The following FOCAD variants were observed in gnomAD, a reference collection of about 807,000 sequenced individuals.
FOCAD encodes the protein focadhesin.
A neutral mutation model predicts 225.6 loss-of-function variants in FOCAD; 198 were observed. That is an observed-to-expected ratio of 0.88 (90% CI 0.78 to 0.99). The LOEUF (loss-of-function observed/expected upper bound fraction) is 0.99. Among genes scored for constraint, FOCAD ranks in the 50% least tolerant of loss-of-function variants. FOCAD has a pLI of 0.00. For synonymous variants in FOCAD, 897 were observed against 755.0 expected (o/e 1.19, Z -3.08); for missense variants, 2,713 against 2,123.6 (o/e 1.28, Z -5.46).
At chr9:20,712,820 C>A (rs1824973396) in intron 1 of FOCAD, among the ~76,000 whole-genome samples, 1 of 150,392 alleles carries the variant, frequency 6.6e-6, no homozygotes, top group Non-Finnish European at 1.5e-5. Context: ...GCAACCTCCA[C>A]CTCCCGGGTT....
chr9:20,794,526 T>G (rs986573048), intron 11 of FOCAD, among the ~76,000 whole-genome samples: 1 of 152,012 alleles, frequency 6.6e-6, no homozygotes, highest in Non-Finnish European at 1.5e-5. Context: ...GATGGAAACT[T>G]AAAACACACC....
At position 20,929,463 on chromosome 9, in the gene FOCAD, G is replaced by T. The variant is rs752426512; in HGVS notation, c.3184G>T (p.Val1062Phe). The T allele has an allele frequency of 3.7e-6, 6 of 1,614,112 alleles. No individual in the cohort carries two copies. In the Admixed American group the frequency reaches 5.0e-5, roughly 13 times the overall value. The stretch of plus-strand genomic sequence containing the variant: ...TTTCATTATCTCTTGCAAAGAGAAG[G>T]TTGAGGAAATCCTGAACATGCTGAC... ...PVFIISCKEK[V>F]EEILNMLTAR... Residue 1062 changes from valine to phenylalanine, a missense_variant, in exon 27 of 44, where the codon GTT becomes TTT. By Grantham distance (50) the Val-to-Phe change is conservative. Coordinates refer to ENST00000338382, the MANE Select transcript of FOCAD (RefSeq NM_001375567.1).
intron 33 of FOCAD, among the ~76,000 whole-genome samples, chr9:20,950,337 C>A (rs1473165474): frequency 6.6e-6 from 1 of 152,068 alleles, no homozygotes; most frequent in Non-Finnish European, 1.5e-5. Flanking sequence ...TTTCATTTAG[C>A]ATACTTGTTT....
At chr9:20,916,615 G>A (rs893219034) in intron 23 of FOCAD, among the ~76,000 whole-genome samples, 12 of 152,196 alleles carry the variant, frequency 7.9e-5, no homozygotes, top group African/African-American at 2.9e-4. Flanking sequence ...TCACCACGCT[G>A]TCTGAGATAA....
intron 31 of FOCAD, among the ~76,000 whole-genome samples, 157 bp downstream of exon 31, chr9:20,948,550 A>G (rs1302752318): frequency 6.6e-6 from 1 of 152,218 alleles, no homozygotes; most frequent in Non-Finnish European, 1.5e-5. Context: ...ATCCCTTATA[A>G]ATAATGCATT....
At chr9:20,859,099 G>A (rs1471685258) in intron 15 of FOCAD, among the ~76,000 whole-genome samples, 2 of 152,124 alleles carry the variant, frequency 1.3e-5, no homozygotes, top group African/African-American at 2.4e-5. Flanking sequence ...TGTTGGCTGG[G>A]CATGGTGGCT....
At chr9:20,800,184 C>G (rs893273655) in intron 11 of FOCAD, among the ~76,000 whole-genome samples, 1 of 152,122 alleles carries the variant, frequency 6.6e-6, no homozygotes, top group African/African-American at 2.4e-5. Flanking sequence ...CTCCCACTCT[C>G]TTCTGGCTTG....
chr9:20,751,969 T>G (rs969185265), intron 5 of FOCAD, among the ~76,000 whole-genome samples: 1 of 145,248 alleles, frequency 6.9e-6, no homozygotes, highest in South Asian at 2.4e-4. Flanking sequence ...TTGAGAAGTG[T>G]CTGTTCATGT....
chr9:20,732,153 G>C (rs1826768237), intron 4 of FOCAD, among the ~76,000 whole-genome samples: 1 of 152,124 alleles, frequency 6.6e-6, no homozygotes, highest in Non-Finnish European at 1.5e-5. Flanking sequence ...GTGATACCGT[G>C]GTGAGGAATG....
intron 21 of FOCAD, among the ~76,000 whole-genome samples, chr9:20,897,664 T>G (rs775793260): frequency 1.3e-5 from 2 of 151,838 alleles, no homozygotes; most frequent in Non-Finnish European, 2.9e-5. Flanking sequence ...AATCCTAATT[T>G]TTTTCTCTCA....
At chr9:20,766,984 C>T (rs1294408620) in intron 7 of FOCAD, among the ~76,000 whole-genome samples, 1 of 152,116 alleles carries the variant, frequency 6.6e-6, no homozygotes, top group African/African-American at 2.4e-5. Context: ...TCTCCCCCAC[C>T]CCACCACAGT....
chr9:20,881,924 C>A lies in FOCAD; in HGVS notation c.2371C>A (p.Arg791Ser), dbSNP rs748492866. 6.2e-7 allele frequency: 1 copy of A among 1,613,618 alleles called. No homozygotes were observed. Among genetic ancestry groups the A allele is most frequent in the Non-Finnish European group, 8.5e-7 (1 of 1,179,834 alleles). ...GAAGCAAGAAATGGTGAATATGCCTCGTGGGATATATCACTCTGCATTAAA... is the reference window on the plus strand; with the variant it reads ...GAAGCAAGAAATGGTGAATATGCCTAGTGGGATATATCACTCTGCATTAAA... ...LVKQEMVNMP[R>S]GIYHSALKGG... Residue 791 changes from arginine (R) to serine (S), a missense_variant, in exon 20 of 44, where the codon CGT (arginine) becomes AGT (serine). Arg to Ser is a moderately radical substitution (Grantham distance 110). Coordinates refer to ENST00000338382, the MANE Select transcript of FOCAD (RefSeq NM_001375567.1).
At chr9:20,923,155 G>A (rs1465286861) in intron 24 of FOCAD, among the ~76,000 whole-genome samples, 1 of 152,180 alleles carries the variant, frequency 6.6e-6, no homozygotes, top group Non-Finnish European at 1.5e-5. Flanking sequence ...ATAAAAATGA[G>A]TAAGAAAAGC....
intron 7 of FOCAD, among the ~76,000 whole-genome samples, chr9:20,769,677 TG>T (rs1817989736): frequency 6.6e-6 from 1 of 152,230 alleles, no homozygotes; most frequent in Admixed American, 6.5e-5. Context: ...ATTGTAGAAA[TG>T]AGAGTTCATT....
chr9:20,905,350 A>G (rs34030675), intron 21 of FOCAD, among the ~76,000 whole-genome samples: 42,623 of 151,772 alleles, frequency 0.28, 6,208 homozygotes, highest in Middle Eastern at 0.35. Flanking sequence ...GCTCATTTTC[A>G]TTTACATTTT....
chr9:20,787,149 C>G (rs1382195764), intron 10 of FOCAD: 5 of 165,886 alleles, frequency 3.0e-5, no homozygotes, highest in Non-Finnish European at 6.6e-5. Flanking sequence ...TTCAAGTAAC[C>G]TAGGATTGCT....
At chr9:20,852,331 C>A (rs976966) in intron 15 of FOCAD, among the ~76,000 whole-genome samples, 46,985 of 151,540 alleles carry the variant, frequency 0.31, 7,454 homozygotes, top group East Asian at 0.46. Context: ...TGAAAAGGGA[C>A]CACAGGCATG....
intron 4 of FOCAD, among the ~76,000 whole-genome samples, chr9:20,729,076 C>G (rs1826450433): frequency 6.6e-6 from 1 of 152,214 alleles, no homozygotes; most frequent in Non-Finnish European, 1.5e-5. Context: ...GGACCTGGAG[C>G]TGGATCAGTC....
chr9:20,751,669 A>G (rs1828560541), intron 5 of FOCAD, among the ~76,000 whole-genome samples: 1 of 147,790 alleles, frequency 6.8e-6, no homozygotes, highest in Non-Finnish European at 1.5e-5. Context: ...TTGGGTATAT[A>G]CCCAGTAATG....
Sources: gnomAD v4.1 joint callset for allele counts (sites outside exome capture counted in the v4.1 genomes callset) on GRCh38, gnomAD v4.1.1 for gene constraint, MANE v1.5 for transcripts, NCBI Gene and HGNC (gene_info 2026-07-23, HGNC 2026-07-21) for gene names.